The following PAK2 variants were observed in gnomAD, a reference collection of about 807,000 sequenced individuals.
The protein encoded by PAK2 is p21 (RAC1) activated kinase 2.
In PAK2, 21 loss-of-function variants were observed where a neutral mutation model predicts 65.9. That is an observed-to-expected ratio of 0.32 (90% CI 0.23 to 0.46). PAK2 has a LOEUF of 0.46. Among genes scored for constraint, PAK2 ranks in the 20% least tolerant of loss-of-function variants. PAK2 has a pLI of 1.00. For synonymous variants in PAK2, 204 were observed against 219.7 expected, an observed-to-expected ratio of 0.93 and a Z score of 0.63; for missense variants, 324 against 642.6, an observed-to-expected ratio of 0.50 and a Z score of 5.36.
At chr3:196,810,788 G>A (rs948461140) in intron 8 of PAK2, 135 bp downstream of exon 8, 5 of 564,670 alleles carry the variant, frequency 8.9e-6, no homozygotes, top group African/African-American at 7.6e-5. Flanking sequence ...GGGGATTTGT[G>A]TAAATAAATA....
chr3:196,802,170 T>C, intron 3 of PAK2, 143 bp downstream of exon 3: 1 of 617,648 alleles, frequency 1.6e-6, no homozygotes, highest in South Asian at 1.9e-5. Flanking sequence ...AGGCCAAGGC[T>C]GGCAGATCAT....
At chr3:196,770,697 A>G (rs1476142139) in intron 1 of PAK2, among the ~76,000 whole-genome samples, 3 of 149,894 alleles carry the variant, frequency 2.0e-5, no homozygotes, top group Non-Finnish European at 4.4e-5. Context: ...ATCTCGGCTC[A>G]CTGTAATCTC....
chr3:196,814,398 A>C, intron 10 of PAK2, 53 bp from the exon 11 acceptor site: 1 of 710,438 alleles, frequency 1.4e-6, no homozygotes, highest in South Asian at 1.7e-5. Flanking sequence ...ATAGAATACC[A>C]TGTGTTTAGG....
rs1023522756 is a variant in PAK2 at position 196,831,078 on chromosome 3, G to C, written c.*2673G>C. The C allele has an allele frequency of 2.6e-5, 4 of 152,196 alleles. No homozygotes were observed. The highest frequency in any genetic ancestry group is 9.7e-5 in the African/African-American group (4 of 41,428). 9.4% of individuals were successfully genotyped at this position (152,196 alleles called of 1,614,324 possible). ...TTTTTTTGTATTTTTAGTAGAGACA[G>C]AGTCTCACCACATTGCCCAGGCTGG... On this transcript the variant is annotated 3_prime_UTR_variant, in exon 15 of 15. Coordinates refer to ENST00000327134, the MANE Select transcript of PAK2 (RefSeq NM_002577.4).
chr3:196,783,652 A>G (rs2108740718), intron 2 of PAK2, among the ~76,000 whole-genome samples: 1 of 151,934 alleles, frequency 6.6e-6, no homozygotes, highest in South Asian at 2.1e-4. Flanking sequence ...CCCAGCCTAG[A>G]ATTTTATCAG....
At chr3:196,815,454 C>T (rs544188760) in intron 11 of PAK2, among the ~76,000 whole-genome samples, 9 of 149,040 alleles carry the variant, frequency 6.0e-5, no homozygotes, top group East Asian at 2.0e-4. Flanking sequence ...ATTGCGCCAC[C>T]GCACTCCATC....
chr3:196,751,696 A>ATATATATAAAATTACC (rs1713603033), intron 1 of PAK2, among the ~76,000 whole-genome samples: 2 of 72,660 alleles, frequency 2.8e-5, no homozygotes, highest in Admixed American at 1.6e-4. Context: ...TATATATATA[A>ATATATATAAAATTACC]TTCAGGCTAT....
intron 1 of PAK2, among the ~76,000 whole-genome samples, chr3:196,748,658 A>G (rs1713471330): frequency 6.6e-6 from 1 of 152,184 alleles, no homozygotes; most frequent in African/African-American, 2.4e-5. Context: ...ATGGCTTGAT[A>G]GCTCATTTCA....
intron 11 of PAK2, among the ~76,000 whole-genome samples, chr3:196,817,252 C>T (rs570909359): frequency 2.0e-5 from 3 of 148,298 alleles, no homozygotes; most frequent in Non-Finnish European, 4.4e-5. Flanking sequence ...GCAATCTCTG[C>T]CTCCTGGATT....
intron 1 of PAK2, among the ~76,000 whole-genome samples, chr3:196,750,431 T>C (rs1198219069): frequency 1.3e-5 from 2 of 152,226 alleles, no homozygotes; most frequent in Admixed American, 6.5e-5. Context: ...ATTTCTGTCA[T>C]GTTTTGATTC....
intron 4 of PAK2, among the ~76,000 whole-genome samples, chr3:196,804,187 T>C (rs952221628): frequency 6.6e-6 from 1 of 152,154 alleles, no homozygotes; most frequent in African/African-American, 2.4e-5. Context: ...TACATGTGGT[T>C]TTAATTGATT....
In PAK2 at chr3:196,828,963, C is replaced by G. The variant is rs1166057650; in HGVS notation, c.*558C>G. 6.6e-6 allele frequency: 1 copy of G among 152,630 alleles called. No individual in the cohort carries two copies. The highest frequency in any genetic ancestry group is 2.4e-5 in the African/African-American group (1 of 41,436). The allele number at this position is 152,630 out of a possible 1,614,324, so 9.5% of individuals were successfully genotyped here. ...CACTTTGTATAAAAGTTAGGACCAG[C>G]TGTTGTTACATGTAATATTTTAGTT... On this transcript the variant is annotated 3_prime_UTR_variant, in exon 15 of 15. Transcript: ENST00000327134.
At chr3:196,800,066 C>T (rs565054580) in intron 2 of PAK2, among the ~76,000 whole-genome samples, 41 of 152,226 alleles carry the variant, frequency 2.7e-4, no homozygotes, top group Middle Eastern at 3.4e-3. Flanking sequence ...TCAGAAAACT[C>T]GGTGTTGTTA....
intron 2 of PAK2, among the ~76,000 whole-genome samples, chr3:196,794,333 A>C (rs13086086): frequency 6.6e-6 from 1 of 152,170 alleles, no homozygotes; most frequent in African/African-American, 2.4e-5. Flanking sequence ...CCAAGAACAT[A>C]CAGCACTAAG....
In PAK2 at chr3:196,807,791, C is replaced by T. The variant is rs1400331886; in HGVS notation, c.586C>T (p.Arg196Trp). The stretch of plus-strand genomic sequence containing the variant: ...AACTGTGTCTCCACAGATTTACACA[C>T]GGTCTGTAATTGACCCTGTTCCTGC... The part of the protein sequence containing the change: ...RPDHTKSIYT[R>W]SVIDPVPAPV... The change falls in exon 7 of 15, where the codon CGG (arginine) becomes TGG (tryptophan). Residue 196 changes from arginine to tryptophan, a missense_variant. Physicochemically the swap from Arg to Trp is moderately radical, Grantham distance 101 (BLOSUM62 -3). Coordinates refer to ENST00000327134, the MANE Select transcript of PAK2 (RefSeq NM_002577.4). The T allele has an allele frequency of 6.9e-6, 11 of 1,595,642 alleles. No individual in the cohort carries two copies. The highest frequency in any genetic ancestry group is 2.2e-5 in the East Asian group (1 of 44,774).
chr3:196,758,638 TTTTTATTTTA>T (rs550780840), intron 1 of PAK2, among the ~76,000 whole-genome samples: 1 of 152,096 alleles, frequency 6.6e-6, no homozygotes, highest in South Asian at 2.1e-4. Context: ...AGTGATAGTA[TTTTTATTTTA>T]TTTTATTTTA....
At chr3:196,782,155 A>G (rs1714733775) in intron 1 of PAK2, among the ~76,000 whole-genome samples, 1 of 152,108 alleles carries the variant, frequency 6.6e-6, no homozygotes. Context: ...GCTAAGTTGT[A>G]ACTACAAGGT....
At chr3:196,799,563 G>A (rs1031846038) in intron 2 of PAK2, among the ~76,000 whole-genome samples, 4 of 152,188 alleles carry the variant, frequency 2.6e-5, no homozygotes, top group African/African-American at 9.7e-5. Flanking sequence ...CTTCGGCTAC[G>A]TTATGACACA....
In PAK2 at chr3:196,812,275, C is replaced by A; in HGVS notation, c.822+8C>A. 6.5e-7 allele frequency: 1 copy of A among 1,538,982 alleles called. No homozygotes were observed. Among genetic ancestry groups the A allele is most frequent in the Non-Finnish European group, 9.0e-7 (1 of 1,111,744 alleles). ...GTTGCACTGGGACAGGAGGTAGTTA[C>A]TTTGTTGTAATCCTGGGTGTTACCA... On this transcript the variant is annotated splice_region_variant and intron_variant, in intron 9 of 14. Transcript: ENST00000327134.
Sources: gnomAD v4.1 joint callset for allele counts (sites outside exome capture counted in the v4.1 genomes callset) on GRCh38, gnomAD v4.1.1 for gene constraint, MANE v1.5 for transcripts, NCBI Gene and HGNC (gene_info 2026-07-23, HGNC 2026-07-21) for gene names.